The following GRM4 variants were observed in gnomAD, a reference collection of about 807,000 sequenced individuals.
The protein encoded by GRM4 is metabotropic glutamate receptor 4.
Under a neutral mutation model 81.7 loss-of-function variants are expected in GRM4, and 28 were observed. That is an observed-to-expected ratio of 0.34 (90% CI 0.25 to 0.47). The LOEUF is 0.47. Among genes scored for constraint, GRM4 ranks in the 20% least tolerant of loss-of-function variants. GRM4 has a pLI of 1.00. For synonymous variants in GRM4, 488 were observed against 528.8 expected (o/e 0.92, Z 1.06); for missense variants, 948 against 1,290.0 (o/e 0.73, Z 4.06).
intron 6 of GRM4, among the ~76,000 whole-genome samples, chr6:34,044,785 CACAG>C (rs1409377278): frequency 2.0e-4 from 29 of 148,090 alleles, no homozygotes; most frequent in African/African-American, 6.5e-4. Context: ...CACATACACA[CACAG>C]ACATACATAC....
chr6:34,081,109 A>G (rs78349442), intron 3 of GRM4, among the ~76,000 whole-genome samples: 1 of 152,174 alleles, frequency 6.6e-6, no homozygotes, highest in Non-Finnish European at 1.5e-5. Flanking sequence ...ACTTAAAAGG[A>G]GGACTCAGTC....
Position 34,042,758 on chromosome 6 carries a change from C to T in GRM4, c.1169-2010G>A, listed in dbSNP as rs1439477488. Among the ~76,000 whole-genome samples the T allele has an allele frequency of 6.6e-6, 1 of 152,132 alleles. No homozygotes were observed. Among genetic ancestry groups the T allele is most frequent in the Non-Finnish European group, 1.5e-5 (1 of 68,016 alleles). On this transcript the variant is annotated intron_variant, in intron 6 of 10. Transcript: ENST00000538487. This position sits in a 1 kb window ranked among gnomAD's most constrained non-coding sequence, Gnocchi z 4.2. ...GACTCCAGAGGTCACTGTGTCCAGCCCCCTGCCTTGGACACCCTGAAGGCA... is the reference window on the plus strand; with the variant it reads ...GACTCCAGAGGTCACTGTGTCCAGCTCCCTGCCTTGGACACCCTGAAGGCA...
rs757699287 is a variant in GRM4 at position 34,064,810 on chromosome 6, C to T, written c.737-2782G>A. Among the ~76,000 whole-genome samples, 46 of 152,248 alleles carry T rather than the reference C, an allele frequency of 3.0e-4. No homozygotes were observed. The highest frequency in any genetic ancestry group is 6.2e-4 in the South Asian group (3 of 4,820). ...CACCCCCTGCATGCCTGGCACCATG[C>T]GAGGCCCAGTCTCAATGAATCCTTA... On this transcript the variant is annotated intron_variant, in intron 3 of 10. Transcript: ENST00000538487. The surrounding 1 kb of genome is among the most constrained non-coding windows in gnomAD (Gnocchi z 4.4).
At position 34,047,034 on chromosome 6, in the gene GRM4, C is replaced by T. The variant is rs1261652156; in HGVS notation, c.1169-6286G>A. Among the ~76,000 whole-genome samples, 1 of 152,152 alleles carries T rather than the reference C, an allele frequency of 6.6e-6. No homozygotes were observed. The highest frequency in any genetic ancestry group is 1.5e-5 in the Non-Finnish European group (1 of 68,030). On this transcript the variant is annotated intron_variant, in intron 6 of 10. Coordinates refer to ENST00000538487, the MANE Select transcript of GRM4 (RefSeq NM_000841.4). This position sits in a 1 kb window ranked among gnomAD's most constrained non-coding sequence, Gnocchi z 4.5. ...TTGGCTGGGCCATGGCCCAGCTATA[C>T]ACTCTAGGCCAAGTATGGGAGTGTT...
intron 3 of GRM4, among the ~76,000 whole-genome samples, chr6:34,063,903 C>T (rs1156450767): frequency 1.3e-5 from 2 of 152,178 alleles, no homozygotes; most frequent in Admixed American, 1.3e-4. Flanking sequence ...GGATGAGCCA[C>T]CTGGCTCCAG....
rs565002141 is a variant in GRM4, at chr6:34,092,874, G to A, written c.520-775C>T. Among the ~76,000 whole-genome samples, 1 of 152,162 alleles carries A rather than the reference G, an allele frequency of 6.6e-6. No homozygotes were observed. The highest frequency in any genetic ancestry group is 2.1e-4 in the South Asian group (1 of 4,808). ...GGCAGGAATGAGACTCAGACCCCCT[G>A]CCTCCTGTAGATACACCCAACCATC... is the stretch of plus-strand genomic sequence containing the variant. On this transcript the variant is annotated intron_variant, in intron 2 of 10. Coordinates refer to ENST00000538487, the MANE Select transcript of GRM4 (RefSeq NM_000841.4). The surrounding 1 kb of genome is among the most constrained non-coding windows in gnomAD (Gnocchi z 6.8).
rs1554181558 is a variant in GRM4, at chr6:34,044,271, T to TACAC, written c.1169-3527_1169-3524dup. Among the ~76,000 whole-genome samples the TACAC allele has an allele frequency of 7.2e-5, 10 of 139,650 alleles. No individual in the cohort carries two copies. The East Asian group carries it at 2.2e-3, about 31-fold the overall frequency. 91.6% of individuals were successfully genotyped at this position (139,650 alleles called of 152,430 possible). A position where few individuals can be genotyped will look rare whatever the true frequency, so the allele number is the denominator to read the frequency against. On this transcript the variant is annotated intron_variant, in intron 6 of 10. Transcript: ENST00000538487. ...ACAGAGACATACATACATACACATA[T>TACAC]ACACATACACACACACATAGACATA...
chr6:34,079,899 C>G (rs1767498216), intron 3 of GRM4, among the ~76,000 whole-genome samples: 1 of 152,192 alleles, frequency 6.6e-6, no homozygotes, highest in Non-Finnish European at 1.5e-5. Flanking sequence ...GGGCCCCACT[C>G]TATTCCCTGC....
chr6:34,022,646 G>T lies in GRM4; in HGVS notation c.*175C>A. ...CCCTCGTCCTCCTGTTGCTCACCCGGTTTGCCCAGGCTGCCAGCAGTGATG... is the reference window on the plus strand; with the variant it reads ...CCCTCGTCCTCCTGTTGCTCACCCGTTTTGCCCAGGCTGCCAGCAGTGATG... On this transcript the variant is annotated 3_prime_UTR_variant, in exon 11 of 11. Transcript: ENST00000538487. The surrounding 1 kb of genome is among the most constrained non-coding windows in gnomAD (Gnocchi z 5.6). 1 of 624,294 alleles carries T rather than the reference G, an allele frequency of 1.6e-6. No individual in the cohort carries two copies. The highest frequency in any genetic ancestry group is 2.9e-6 in the Non-Finnish European group (1 of 347,358). 38.7% of individuals were successfully genotyped at this position (624,294 alleles called of 1,614,324 possible). A position where few individuals can be genotyped will look rare whatever the true frequency, so the allele number is the denominator to read the frequency against.
chr6:34,023,632 C>T (rs1300343214), intron 10 of GRM4, among the ~76,000 whole-genome samples: 4 of 152,148 alleles, frequency 2.6e-5, no homozygotes, highest in Non-Finnish European at 5.9e-5. Flanking sequence ...GTCCCTCTGG[C>T]CCTTACTCCA....
Position 34,136,471 on chromosome 6 carries a change from T to C in GRM4, c.-363-2612A>G, listed in dbSNP as rs1337348616. ...CACAGCAGCTTTTGAAGTCAGGCCC[T>C]GCTTAGGCTTCCAGATCCTTCGTGA... On this transcript the variant is annotated intron_variant, in intron 1 of 10. Coordinates refer to ENST00000538487, the MANE Select transcript of GRM4 (RefSeq NM_000841.4). This position sits in a 1 kb window ranked among gnomAD's most constrained non-coding sequence, Gnocchi z 4.1. Among the ~76,000 whole-genome samples, 1 of 152,054 alleles carries C rather than the reference T, an allele frequency of 6.6e-6. No individual in the cohort carries two copies. The highest frequency in any genetic ancestry group is 6.5e-5 in the Admixed American group (1 of 15,270).
chr6:34,109,600 CA>C (rs955882636), intron 2 of GRM4, among the ~76,000 whole-genome samples: 38 of 152,178 alleles, frequency 2.5e-4, no homozygotes, highest in African/African-American at 7.5e-4. Context: ...TGCCCAGTCT[CA>C]AAAGCCGATT....
In GRM4 at chr6:34,022,586, C is replaced by T. The variant is rs1314974727; in HGVS notation, c.*235G>A. 1.7e-6 allele frequency: 1 copy of T among 575,624 alleles called. No homozygotes were observed. The highest frequency in any genetic ancestry group is 1.9e-5 in the African/African-American group (1 of 53,414). The allele number at this position is 575,624 out of a possible 1,614,324, so 35.7% of individuals were successfully genotyped here. A position where few individuals can be genotyped will look rare whatever the true frequency, so the allele number is the denominator to read the frequency against. On this transcript the variant is annotated 3_prime_UTR_variant, in exon 11 of 11. Transcript: ENST00000538487. This position sits in a 1 kb window ranked among gnomAD's most constrained non-coding sequence, Gnocchi z 5.6. ...GGCCGGGAGGGGCAATGGTCCAAGA[C>T]GCAGGTTCTTGTGGTAGCCTGGCAC...
intron 6 of GRM4, among the ~76,000 whole-genome samples, chr6:34,050,668 C>T (rs1327442637): frequency 1.3e-5 from 2 of 152,232 alleles, no homozygotes; most frequent in African/African-American, 4.8e-5. Context: ...CACCTTCTCA[C>T]TGAGAACTTC....
intron 1 of GRM4, among the ~76,000 whole-genome samples, chr6:34,135,044 G>T (rs2127512706): frequency 6.6e-6 from 1 of 152,288 alleles, no homozygotes; most frequent in African/African-American, 2.4e-5. Flanking sequence ...TTCCCCAGGG[G>T]TTTGTCAAAT....
intron 6 of GRM4, 120 bp downstream of exon 6, chr6:34,056,424 A>T (rs1351051452): frequency 2.3e-6 from 2 of 876,018 alleles, no homozygotes; most frequent in East Asian, 5.5e-5. Flanking sequence ...GCCCAACTGC[A>T]CGTCCTGCCA....
At position 34,133,319 on chromosome 6, in the gene GRM4, G is replaced by A. The variant is rs748586184; in HGVS notation, c.178C>T (p.Arg60Trp). ...TLGGLFPVHGRGSEGKPCGEL... is the reference protein window; with the variant it reads ...TLGGLFPVHGWGSEGKPCGEL... ...CCACAGGGCTTGCCCTCTGAGCCCC[G>A]GCCATGCACCGGGAACAGGCCTCCC... The change falls in exon 2 of 11, where the codon CGG (arginine) becomes TGG (tryptophan). Residue 60 changes from arginine (R) to tryptophan (W), a missense_variant. Transcript: ENST00000538487. The surrounding 1 kb of genome is among the most constrained non-coding windows in gnomAD (Gnocchi z 6.5). 34 of 1,614,052 alleles carry A rather than the reference G, an allele frequency of 2.1e-5. No individual in the cohort carries two copies. Among genetic ancestry groups the A allele is most frequent in the Middle Eastern group, 1.7e-4 (1 of 6,060 alleles).
At chr6:34,087,966 C>G (rs1214152060) in intron 3 of GRM4, among the ~76,000 whole-genome samples, 1 of 152,082 alleles carries the variant, frequency 6.6e-6, no homozygotes, top group Non-Finnish European at 1.5e-5. Context: ...CTGGACACAC[C>G]TGTATCTCCA....
chr6:34,054,108 G>A (rs1235112488), intron 6 of GRM4: 1 of 151,790 alleles, frequency 6.6e-6, no homozygotes, highest in Non-Finnish European at 1.5e-5. Flanking sequence ...GAAAGCAAAG[G>A]CCCAGAAAGG....
Sources: allele counts gnomAD v4.1 joint callset (sites outside exome capture counted in the v4.1 genomes callset), GRCh38; gene constraint gnomAD v4.1.1; non-coding constraint Gnocchi (gnomAD v3.1); transcripts MANE v1.5; gene names NCBI Gene and HGNC (gene_info 2026-07-23, HGNC 2026-07-21).